The following CYTH3 variants were observed in gnomAD, a reference collection of about 807,000 sequenced individuals.
CYTH3 encodes the protein cytohesin 3.
In CYTH3, 23 loss-of-function variants were observed where a neutral mutation model predicts 55.1. The ratio of observed to expected loss-of-function variants is 0.42; its 90% CI spans 0.30 to 0.59. The LOEUF is 0.59. Ranked by LOEUF, CYTH3 falls within the 20% of genes least tolerant of loss-of-function variation. The probability of loss-of-function intolerance (pLI) is 0.20; values close to 1 mark genes in which losing one functional copy is unlikely to be tolerated. For synonymous variants in CYTH3, 249 were observed against 194.9 expected (o/e 1.28, Z -2.31); for missense variants, 413 against 524.8 (o/e 0.79, Z 2.08).
At position 6,171,135 on chromosome 7, in the gene CYTH3, G is replaced by A; in HGVS notation, c.562+67C>T. The A allele has an allele frequency of 6.3e-7, 1 of 1,596,456 alleles. No individual in the cohort carries two copies. Among genetic ancestry groups the A allele is most frequent in the Non-Finnish European group, 8.6e-7 (1 of 1,165,770 alleles). Reference sequence around the variant, plus strand: ...GAACACACGCTGGGCTGTGCCCACAGGGGCCGCCCCCTCCAGAGCTGGAGG... The same window carrying A: ...GAACACACGCTGGGCTGTGCCCACAAGGGCCGCCCCCTCCAGAGCTGGAGG... On this transcript the variant is annotated intron_variant, in intron 7 of 12. Coordinates refer to ENST00000350796, the MANE Select transcript of CYTH3 (RefSeq NM_004227.4). This position sits in a 1 kb window ranked among gnomAD's most constrained non-coding sequence, Gnocchi z 6.7.
At chr7:6,178,354 C>T (rs769007957) in intron 4 of CYTH3, among the ~76,000 whole-genome samples, 21 of 152,234 alleles carry the variant, frequency 1.4e-4, no homozygotes, top group African/African-American at 3.9e-4. Flanking sequence ...ACGCAGCAAG[C>T]GGGTGGTGCT....
At chr7:6,248,951 T>G (rs908688476) in intron 1 of CYTH3, among the ~76,000 whole-genome samples, 2 of 152,230 alleles carry the variant, frequency 1.3e-5, no homozygotes, top group African/African-American at 4.8e-5. Context: ...AAGTTGCCAA[T>G]GACCATTTTT....
chr7:6,206,136 T>G (rs1784182991), intron 1 of CYTH3, among the ~76,000 whole-genome samples: 1 of 152,170 alleles, frequency 6.6e-6, no homozygotes, highest in South Asian at 2.1e-4. Flanking sequence ...TAAAAACATA[T>G]GTCCACACAA....
chr7:6,177,965 A>G (rs1413259302), intron 4 of CYTH3, 24 bp from the exon 5 acceptor site: 1 of 1,558,916 alleles, frequency 6.4e-7, no homozygotes, highest in Admixed American at 1.7e-5. Context: ...AAATGGAAGC[A>G]CTGGTTAGGA....
chr7:6,256,923 CA>C (rs962100862), intron 1 of CYTH3, among the ~76,000 whole-genome samples: 2 of 152,006 alleles, frequency 1.3e-5, no homozygotes, highest in African/African-American at 4.8e-5. Context: ...AGTCTGACCA[CA>C]AAAAGGAAGG....
Position 6,272,545 on chromosome 7 carries a change from G to A in CYTH3, c.-38C>T, listed in dbSNP as rs767302890. 68 of 1,284,026 alleles carry A rather than the reference G, an allele frequency of 5.3e-5. No individual in the cohort carries two copies. In the South Asian group the frequency reaches 8.4e-4, roughly 16 times the overall value. 79.5% of individuals were successfully genotyped at this position (1,284,026 alleles called of 1,614,324 possible). A position where few individuals can be genotyped will look rare whatever the true frequency, so the allele number is the denominator to read the frequency against. ...CCCGCAGCCGGCGAGCCGGGGGCCG[G>A]CAGCAGAGGGGCCGCGGGCTGGGGA... On this transcript the variant is annotated 5_prime_UTR_variant, in exon 1 of 13. Coordinates refer to ENST00000350796, the MANE Select transcript of CYTH3 (RefSeq NM_004227.4).
chr7:6,176,447 G>C (rs1490778882), intron 5 of CYTH3, among the ~76,000 whole-genome samples: 1 of 151,660 alleles, frequency 6.6e-6, no homozygotes, highest in Non-Finnish European at 1.5e-5. Flanking sequence ...GTTTTTAGTA[G>C]AGGTGAGGTT....
chr7:6,248,452 G>C (rs1015657729), intron 1 of CYTH3, among the ~76,000 whole-genome samples: 11 of 152,122 alleles, frequency 7.2e-5, no homozygotes, highest in African/African-American at 2.7e-4. Flanking sequence ...TGTTGCTTTT[G>C]TTTTCTAGTT....
intron 1 of CYTH3, among the ~76,000 whole-genome samples, chr7:6,267,876 T>C (rs549059597): frequency 4.6e-5 from 7 of 152,330 alleles, no homozygotes; most frequent in Non-Finnish European, 8.8e-5. Flanking sequence ...GGGTATTTTC[T>C]TACCATCATA....
chr7:6,173,254 T>A (rs1054419127), intron 6 of CYTH3, among the ~76,000 whole-genome samples: 8 of 152,070 alleles, frequency 5.3e-5, no homozygotes, highest in South Asian at 2.1e-4. Flanking sequence ...GACACCTACA[T>A]CCTCTCTGGC....
chr7:6,181,109 C>T lies in CYTH3; in HGVS notation c.250-3168G>A, dbSNP rs527799679. ...GACAAGTATTTAAACTTATTTTTAT[C>T]TATCAACATCTAGAAAACCTTAGCT... is the stretch of plus-strand genomic sequence containing the variant. On this transcript the variant is annotated intron_variant, in intron 4 of 12. Coordinates refer to ENST00000350796, the MANE Select transcript of CYTH3 (RefSeq NM_004227.4). Among the ~76,000 whole-genome samples, 233 of 152,268 alleles carry T rather than the reference C, an allele frequency of 1.5e-3. 1 individual carries two copies. The highest frequency in any genetic ancestry group is 5.3e-3 in the African/African-American group (221 of 41,556).
intron 1 of CYTH3, among the ~76,000 whole-genome samples, chr7:6,248,259 AAAG>A (rs1364244525): frequency 6.6e-5 from 10 of 151,568 alleles, no homozygotes; most frequent in African/African-American, 1.9e-4. Context: ...AAAAAAAAAA[AAAG>A]AATAGCTGGA....
intron 1 of CYTH3, among the ~76,000 whole-genome samples, chr7:6,240,292 C>CAAAAAAAAAAAAAA (rs60884841): frequency 1.7e-5 from 1 of 60,568 alleles, no homozygotes; most frequent in African/African-American, 4.5e-5. Context: ...GACTCCATCT[C>CAAAAAAAAAAAAAA]AAAAAAAAAA....
At chr7:6,265,520 G>A (rs372683420) in intron 1 of CYTH3, among the ~76,000 whole-genome samples, 1 of 151,720 alleles carries the variant, frequency 6.6e-6, no homozygotes, top group Non-Finnish European at 1.5e-5. Context: ...TCAGGAGGCT[G>A]AGGCAGGAGA....
chr7:6,190,123 C>T (rs956473649), intron 2 of CYTH3, among the ~76,000 whole-genome samples: 6 of 152,254 alleles, frequency 3.9e-5, no homozygotes, highest in South Asian at 2.1e-4. Flanking sequence ...GCAATGCGCT[C>T]GTGGCTTGCT....
intron 1 of CYTH3, among the ~76,000 whole-genome samples, chr7:6,223,157 C>T (rs548012860): frequency 6.6e-5 from 10 of 152,114 alleles, no homozygotes; most frequent in East Asian, 1.9e-4. Context: ...CCGGCCGCCC[C>T]GTCTGGGAGG....
At chr7:6,213,793 C>T (rs1367350674) in intron 1 of CYTH3, among the ~76,000 whole-genome samples, 1 of 151,906 alleles carries the variant, frequency 6.6e-6, no homozygotes. Flanking sequence ...CCTTGGAAGC[C>T]AGCAAGGCAG....
chr7:6,196,509 G>C (rs547017069), intron 1 of CYTH3, among the ~76,000 whole-genome samples: 2 of 143,688 alleles, frequency 1.4e-5, no homozygotes, highest in Non-Finnish European at 3.0e-5. Context: ...GCCCAGGCTG[G>C]AGTGCAATGG....
At position 6,181,599 on chromosome 7, in the gene CYTH3, G is replaced by A. The variant is rs560602684; in HGVS notation, c.250-3658C>T. 1.6e-4 allele frequency among the ~76,000 whole-genome samples: 25 copies of A among 152,290 alleles called. No individual in the cohort carries two copies. The South Asian group carries it at 5.0e-3, about 30-fold the overall frequency. ...TTACTTGACACGTCTATGTGTATAA[G>A]TCTTTTCAATTTTTATCCTGCTTGG... On this transcript the variant is annotated intron_variant, in intron 4 of 12. Coordinates refer to ENST00000350796, the MANE Select transcript of CYTH3 (RefSeq NM_004227.4).
Sources: gnomAD v4.1 joint callset for allele counts (sites outside exome capture counted in the v4.1 genomes callset) on GRCh38, gnomAD v4.1.1 for gene constraint, Gnocchi (gnomAD v3.1) non-coding constraint, MANE v1.5 for transcripts, NCBI Gene and HGNC (gene_info 2026-07-23, HGNC 2026-07-21) for gene names.